The following MYO10 variants were observed in gnomAD, a reference collection of about 807,000 sequenced individuals.
The protein encoded by MYO10 is unconventional myosin-X.
Under a neutral mutation model 257.3 loss-of-function variants are expected in MYO10, and 133 were observed. That is an observed-to-expected ratio of 0.52 (90% CI 0.45 to 0.60). The LOEUF (loss-of-function observed/expected upper bound fraction) is 0.60, where lower values mean the gene tolerates loss of function less well. Among genes scored for constraint, MYO10 ranks in the 20% least tolerant of loss-of-function variants. The pLI, the probability that MYO10 is intolerant of heterozygous loss-of-function variation, is 0.00. For missense variants in MYO10, 2,399 were observed against 2,635.7 expected (o/e 0.91, Z 1.97); for synonymous variants, 1,104 against 1,028.6 (o/e 1.07, Z -1.40).
chr5:16,935,732 G>A lies in MYO10; in HGVS notation c.21+56C>T, dbSNP rs1746422701. On this transcript the variant is annotated intron_variant, in intron 1 of 40. Coordinates refer to ENST00000513610, the MANE Select transcript of MYO10 (RefSeq NM_012334.3). Reference sequence around the variant, plus strand: ...GTACCCAGGGCGCGCGGCGTGGTGGGCAGACGCCTCTCTCCCTGGGCTCCG... The same window carrying A: ...GTACCCAGGGCGCGCGGCGTGGTGGACAGACGCCTCTCTCCCTGGGCTCCG... 3 of 1,606,642 alleles carry A rather than the reference G, an allele frequency of 1.9e-6. No individual in the cohort carries two copies. In the South Asian group the frequency reaches 3.3e-5, roughly 18 times the overall value.
chr5:16,820,962 T>C (rs1742781947), intron 2 of MYO10, among the ~76,000 whole-genome samples: 1 of 147,774 alleles, frequency 6.8e-6, no homozygotes, highest in Non-Finnish European at 1.5e-5. Context: ...CATCTATACA[T>C]ATAAAACATC....
intron 19 of MYO10, among the ~76,000 whole-genome samples, chr5:16,748,391 T>C (rs982989809): frequency 2.6e-5 from 4 of 152,092 alleles, no homozygotes; most frequent in Non-Finnish European, 1.5e-5. Context: ...GTTACAGGTG[T>C]ACACCACCAC....
intron 30 of MYO10, among the ~76,000 whole-genome samples, chr5:16,682,288 C>T (rs1277950228): frequency 2.0e-5 from 3 of 152,146 alleles, no homozygotes; most frequent in African/African-American, 7.2e-5. Flanking sequence ...AAACTCAGTT[C>T]CGGGAAGGCT....
chr5:16,917,778 C>T (rs530194294), intron 1 of MYO10, among the ~76,000 whole-genome samples: 5 of 151,728 alleles, frequency 3.3e-5, no homozygotes, highest in Non-Finnish European at 7.4e-5. Context: ...AAAGGCCGAA[C>T]GGGGGAGAAT....
In MYO10 at chr5:16,675,917, GA is replaced by G. The variant is rs1306081882; in HGVS notation, c.4666+113del. On this transcript the variant is annotated intron_variant, in intron 34 of 40. Coordinates refer to ENST00000513610, the MANE Select transcript of MYO10 (RefSeq NM_012334.3). ...ATTTCATCTTTTCCTTCCAATTCAC[GA>G]CGAATAAGAGAGTCTTTGAGATAAA... The G allele has an allele frequency of 2.4e-6, 3 of 1,267,372 alleles. No individual in the cohort carries two copies. The African/African-American group carries it at 4.6e-5, about 20-fold the overall frequency. 78.5% of individuals were successfully genotyped at this position (1,267,372 alleles called of 1,614,324 possible).
At chr5:16,702,761 TC>T (rs1738142503) in intron 23 of MYO10, among the ~76,000 whole-genome samples, 163 bp downstream of exon 23, 1 of 152,168 alleles carries the variant, frequency 6.6e-6, no homozygotes. Context: ...CAGAACTGGG[TC>T]TTTAATGCTG....
intron 4 of MYO10, among the ~76,000 whole-genome samples, chr5:16,793,730 G>A (rs988286009): frequency 9.2e-5 from 14 of 152,134 alleles, no homozygotes; most frequent in African/African-American, 3.4e-4. Context: ...GGGAGTTTAA[G>A]ACCAGCCTGA....
chr5:16,670,482 T>C, intron 39 of MYO10, 44 bp downstream of exon 39: 2 of 1,517,916 alleles, frequency 1.3e-6, no homozygotes, highest in Non-Finnish European at 9.0e-7. Flanking sequence ...TGTTCTCAGA[T>C]GCCAGCACCC....
At chr5:16,679,261 C>T (rs1736872224) in intron 33 of MYO10, among the ~76,000 whole-genome samples, 1 of 152,104 alleles carries the variant, frequency 6.6e-6, no homozygotes, top group African/African-American at 2.4e-5. Flanking sequence ...AGAAGGTCTC[C>T]AACTGAGGCT....
chr5:16,885,647 A>G (rs1373339751), intron 1 of MYO10, among the ~76,000 whole-genome samples: 1 of 148,040 alleles, frequency 6.8e-6, no homozygotes, highest in Non-Finnish European at 1.5e-5. Flanking sequence ...ACTCCAGCCC[A>G]GGCAACAGGG....
chr5:16,726,485 T>C (rs1425778333), intron 19 of MYO10, among the ~76,000 whole-genome samples: 1 of 152,184 alleles, frequency 6.6e-6, no homozygotes, highest in Non-Finnish European at 1.5e-5. Flanking sequence ...ATGCATAACC[T>C]GAAGTGCAGG....
At chr5:16,892,471 G>A (rs183745159) in intron 1 of MYO10, among the ~76,000 whole-genome samples, 5 of 152,048 alleles carry the variant, frequency 3.3e-5, no homozygotes, top group East Asian at 3.9e-4. Context: ...TGAGACCCCC[G>A]TCACTACAAA....
chr5:16,818,014 T>C lies in MYO10; in HGVS notation c.274A>G (p.Ile92Val). Residue 92 changes from isoleucine to valine, a missense_variant, in exon 3 of 41, where the codon ATA (isoleucine) becomes GTA (valine). Physicochemically the swap from Ile to Val is conservative, Grantham distance 29 (BLOSUM62 3). This residue lies in a region of MYO10 where 242 missense variants were observed against 249.5 expected (regional missense o/e 0.97). Transcript: ENST00000513610. Reference sequence around the variant, plus strand: ...GAATTACAAGTGGAACTTACATATATTTGATTTCTCTTATACCGCTGGAAT... The same window carrying C: ...GAATTACAAGTGGAACTTACATATACTTGATTTCTCTTATACCGCTGGAAT... ...NLFQRYKRNQ[I>V]YTYIGSILAS... 1 of 1,552,028 alleles carries C rather than the reference T, an allele frequency of 6.4e-7. No homozygotes were observed. Among genetic ancestry groups the C allele is most frequent in the Non-Finnish European group, 8.8e-7 (1 of 1,140,666 alleles).
chr5:16,678,441 G>A (rs26754), intron 33 of MYO10, among the ~76,000 whole-genome samples: 9,644 of 152,176 alleles, frequency 0.063, 1,015 homozygotes, highest in African/African-American at 0.22. Context: ...TTAGCTGGGC[G>A]TGGTGGTGGG....
At chr5:16,740,161 A>G (rs1228363335) in intron 19 of MYO10, among the ~76,000 whole-genome samples, 1 of 152,038 alleles carries the variant, frequency 6.6e-6, no homozygotes, top group South Asian at 2.1e-4. Flanking sequence ...CCAGTCTCAA[A>G]CCTGGCCCTT....
chr5:16,820,123 C>T (rs1742753433), intron 2 of MYO10, among the ~76,000 whole-genome samples: 2 of 152,214 alleles, frequency 1.3e-5, no homozygotes, highest in Non-Finnish European at 2.9e-5. Flanking sequence ...ACCCAGAAGG[C>T]ACAAGGACAT....
chr5:16,790,716 G>T (rs1741724919), intron 4 of MYO10, among the ~76,000 whole-genome samples: 1 of 151,954 alleles, frequency 6.6e-6, no homozygotes, highest in African/African-American at 2.4e-5. Flanking sequence ...TTTGTAAATT[G>T]CCCAGTCTCG....
chr5:16,914,953 T>C (rs757541627), intron 1 of MYO10, among the ~76,000 whole-genome samples: 3 of 152,160 alleles, frequency 2.0e-5, no homozygotes, highest in Admixed American at 6.5e-5. Context: ...ATTAAAAGTA[T>C]AACCTTAAAT....
At chr5:16,858,934 G>A (rs1744037804) in intron 2 of MYO10, among the ~76,000 whole-genome samples, 1 of 152,092 alleles carries the variant, frequency 6.6e-6, no homozygotes, top group African/African-American at 2.4e-5. Context: ...CTCCAGCATG[G>A]ACAACAGAGC....
Sources: gnomAD v4.1 joint callset for allele counts (sites outside exome capture counted in the v4.1 genomes callset) on GRCh38, gnomAD v4.1.1 for gene constraint, gnomAD v4.1.1 regional missense constraint, MANE v1.5 for transcripts, NCBI Gene and HGNC (gene_info 2026-07-23, HGNC 2026-07-21) for gene names.